ALPK1: variants seen among roughly 807,000 people sequenced by gnomAD.
ALPK1 encodes the protein alpha-protein kinase 1.
ALPK1 carries 110 observed loss-of-function variants against 120.6 expected under a neutral mutation model. The ratio of observed to expected loss-of-function variants is 0.91; its 90% CI spans 0.78 to 1.07. ALPK1 has a LOEUF of 1.07. ALPK1 is among the 50% of genes least tolerant of loss of function. ALPK1 has a pLI of 0.00. For synonymous variants in ALPK1, 582 were observed against 560.3 expected, an observed-to-expected ratio of 1.04 and a Z score of -0.55; for missense variants, 1,498 against 1,483.9, an observed-to-expected ratio of 1.01 and a Z score of -0.16.
At chr4:112,342,150 G>A (rs560033482) in intron 2 of ALPK1, among the ~76,000 whole-genome samples, 7 of 152,334 alleles carry the variant, frequency 4.6e-5, no homozygotes, top group Non-Finnish European at 8.8e-5. Context: ...GGCTTAGACA[G>A]TAGGCCACTT....
chr4:112,435,339 G>T (rs11098156), intron 12 of ALPK1, 38 bp downstream of exon 12: 480,175 of 1,577,210 alleles, frequency 0.3, 75,808 homozygotes, highest in African/African-American at 0.51. Flanking sequence ...AATGTAAGAT[G>T]AGCTAACCTT....
chr4:112,298,171 G>A (rs898777289), intron 1 of ALPK1, among the ~76,000 whole-genome samples: 18 of 152,136 alleles, frequency 1.2e-4, no homozygotes, highest in African/African-American at 3.6e-4. Context: ...ATTTGAGGAT[G>A]GGTGAGGGTA....
chr4:112,368,267 T>C (rs1430984429), intron 2 of ALPK1, among the ~76,000 whole-genome samples: 1 of 152,250 alleles, frequency 6.6e-6, no homozygotes, highest in Non-Finnish European at 1.5e-5. Flanking sequence ...TTTTTAATTT[T>C]TAATTTTTAT....
At chr4:112,374,600 A>G (rs1578512768) in intron 2 of ALPK1, among the ~76,000 whole-genome samples, 1 of 152,364 alleles carries the variant, frequency 6.6e-6, no homozygotes, top group East Asian at 1.9e-4. Context: ...AGAAATTACT[A>G]TAAAAGATAT....
intron 2 of ALPK1, among the ~76,000 whole-genome samples, chr4:112,349,117 TAAGTGGTCATAACATTTCAA>T (rs1176165762): frequency 1.6e-4 from 25 of 152,290 alleles, no homozygotes; most frequent in Middle Eastern, 6.8e-3. Context: ...AAAAGTCTAA[TAAGTGGTCATAACATTTCAA>T]TTATTGAACA....
intron 2 of ALPK1, among the ~76,000 whole-genome samples, chr4:112,320,946 T>G (rs187673579): frequency 0.08 from 11,930 of 148,388 alleles, 766 homozygotes; most frequent in Admixed American, 0.21. Flanking sequence ...GCCCAGGCTG[T>G]TGTGCAGTGG....
At chr4:112,371,450 C>T (rs1356644598) in intron 2 of ALPK1, among the ~76,000 whole-genome samples, 1 of 152,234 alleles carries the variant, frequency 6.6e-6, no homozygotes, top group African/African-American at 2.4e-5. Flanking sequence ...GTTCAGCCAA[C>T]CTCTCTGTCT....
intron 1 of ALPK1, among the ~76,000 whole-genome samples, chr4:112,298,458 C>G (rs986922320): frequency 1.3e-5 from 2 of 152,066 alleles, no homozygotes; most frequent in East Asian, 3.9e-4. Context: ...TCCTTCCCAC[C>G]CCATCAACCT....
chr4:112,315,486 T>G (rs559175310), intron 1 of ALPK1, among the ~76,000 whole-genome samples: 50 of 152,282 alleles, frequency 3.3e-4, no homozygotes, highest in African/African-American at 1.2e-3. Context: ...TAAGGAGAAA[T>G]TTGAAGCCCT....
intron 5 of ALPK1, among the ~76,000 whole-genome samples, chr4:112,415,787 G>A (rs1733721983): frequency 6.6e-6 from 1 of 152,144 alleles, no homozygotes; most frequent in South Asian, 2.1e-4. Context: ...TGGCTGAAGA[G>A]CACAGAACAC....
intron 4 of ALPK1, among the ~76,000 whole-genome samples, chr4:112,389,952 T>A (rs749322402): frequency 3.3e-5 from 5 of 152,200 alleles, no homozygotes; most frequent in Non-Finnish European, 5.9e-5. Flanking sequence ...ACCCCATCAC[T>A]ACTCCTGTTC....
chr4:112,418,219 G>A (rs1733828741), intron 5 of ALPK1, among the ~76,000 whole-genome samples: 2 of 152,224 alleles, frequency 1.3e-5, no homozygotes, highest in Non-Finnish European at 2.9e-5. Context: ...CCGCGTGGCA[G>A]AGAAGTCACC....
At chr4:112,422,255 A>T (rs1734032488) in intron 5 of ALPK1, among the ~76,000 whole-genome samples, 1 of 152,198 alleles carries the variant, frequency 6.6e-6, no homozygotes, top group Non-Finnish European at 1.5e-5. Flanking sequence ...ACTGCTGGTA[A>T]CTGAAACTGC....
intron 2 of ALPK1, among the ~76,000 whole-genome samples, chr4:112,345,577 G>A (rs887157073): frequency 7.9e-5 from 12 of 152,040 alleles, no homozygotes; most frequent in Non-Finnish European, 1.6e-4. Context: ...ATTTCAGAAC[G>A]GTCTCTTGCT....
intron 2 of ALPK1, among the ~76,000 whole-genome samples, chr4:112,321,642 A>G (rs918883750): frequency 1.3e-5 from 2 of 152,224 alleles, no homozygotes; most frequent in Admixed American, 6.5e-5. Context: ...ATTTCCATGT[A>G]TTTGCATACA....
chr4:112,402,700 T>C (rs970261834), intron 4 of ALPK1, among the ~76,000 whole-genome samples: 4 of 152,242 alleles, frequency 2.6e-5, no homozygotes, highest in African/African-American at 7.2e-5. Flanking sequence ...CATATCCACA[T>C]ATTTTTATGT....
chr4:112,308,116 A>C (rs369346398), intron 1 of ALPK1, among the ~76,000 whole-genome samples: 3 of 152,046 alleles, frequency 2.0e-5, no homozygotes, highest in South Asian at 2.1e-4. Context: ...CCGAGAGATC[A>C]GCTGTTAGTC....
intron 2 of ALPK1, chr4:112,356,892 TGAA>T (rs1227223198): frequency 4.0e-6 from 3 of 748,632 alleles, no homozygotes; most frequent in East Asian, 2.6e-5. Context: ...ACTCACAAGG[TGAA>T]GAAGACGTGT....
chr4:112,399,977 T>A (rs781227606), intron 4 of ALPK1, among the ~76,000 whole-genome samples: 1 of 152,204 alleles, frequency 6.6e-6, no homozygotes, highest in East Asian at 1.9e-4. Flanking sequence ...ATGTACCACA[T>A]TTTCTTTATC....
Sources: allele counts gnomAD v4.1 joint callset (sites outside exome capture counted in the v4.1 genomes callset), GRCh38; gene constraint gnomAD v4.1.1; transcripts MANE v1.5; gene names NCBI Gene and HGNC (gene_info 2026-07-23, HGNC 2026-07-21).